ZNF831: variants seen among roughly 807,000 people sequenced by gnomAD.
ZNF831 encodes zinc finger protein 831, also known as chromosome 20 open reading frame 174.
Under a neutral mutation model 95.8 loss-of-function variants are expected in ZNF831, and 59 were observed. That is an observed-to-expected ratio of 0.62 (90% CI 0.50 to 0.77). The LOEUF (loss-of-function observed/expected upper bound fraction) is 0.77. ZNF831 is among the 30% of genes least tolerant of loss of function. The pLI, the probability that ZNF831 is intolerant of heterozygous loss-of-function variation, is 0.00. For synonymous variants in ZNF831, 961 were observed against 925.5 expected, an observed-to-expected ratio of 1.04 and a Z score of -0.70; for missense variants, 2,205 against 2,164.0, an observed-to-expected ratio of 1.02 and a Z score of -0.38.
At chr20:59,246,259 C>T (rs1045253042) in intron 4 of ZNF831, among the ~76,000 whole-genome samples, 1 of 152,172 alleles carries the variant, frequency 6.6e-6, no homozygotes, top group Non-Finnish European at 1.5e-5. Flanking sequence ...CATCTTTTCT[C>T]ATTAGAATTA....
rs781219438 is a variant in ZNF831, at chr20:59,254,030, C to A, written c.4321C>A (p.Leu1441Ile). 1.2e-6 allele frequency: 2 copies of A among 1,614,138 alleles called. No individual in the cohort carries two copies. The highest frequency in any genetic ancestry group is 1.7e-6 in the Non-Finnish European group (2 of 1,180,024). ...NDVPLPPGKGLDLGLLETQLL... is the reference protein window; with the variant it reads ...NDVPLPPGKGIDLGLLETQLL... ...CGTGCCTCTACCCCCTGGCAAAGGT[C>A]TTGACCTTGGGTTGCTGGAGACTCA... Residue 1441 changes from leucine to isoleucine, a missense_variant, in exon 6 of 6, where the codon CTT (leucine) becomes ATT (isoleucine). By Grantham distance (5) the Leu-to-Ile change is conservative (BLOSUM62 2). Transcript: ENST00000371030. The surrounding 1 kb of genome is among the most constrained non-coding windows in gnomAD (Gnocchi z 4.5).
Position 59,174,068 on chromosome 20 carries a change from G to A in ZNF831, c.-37+9861G>A, listed in dbSNP as rs1009187971. On this transcript the variant is annotated intron_variant, in intron 1 of 5. Coordinates refer to ENST00000371030, the MANE Select transcript of ZNF831 (RefSeq NM_178457.3). ...CAACCCTCTGGGGTGCTGCTGGATA[G>A]CAGACCATGCACAAGCAGAGATGTG... Among the ~76,000 whole-genome samples the A allele has an allele frequency of 4.6e-5, 7 of 152,264 alleles. No individual in the cohort carries two copies. In the South Asian group the frequency reaches 6.2e-4, roughly 14 times the overall value.
intron 1 of ZNF831, among the ~76,000 whole-genome samples, chr20:59,132,777 A>G (rs1218550514): frequency 6.6e-6 from 1 of 152,264 alleles, no homozygotes; most frequent in African/African-American, 2.4e-5. Context: ...CTCAGCTGGA[A>G]GAAGGTGAGC....
chr20:59,167,974 C>T (rs891658910), intron 1 of ZNF831, among the ~76,000 whole-genome samples: 4 of 152,072 alleles, frequency 2.6e-5, no homozygotes, highest in African/African-American at 7.2e-5. Flanking sequence ...TCTGACAATA[C>T]AGTCTTGATT....
Position 59,258,572 on chromosome 20 carries a change from A to T in ZNF831, c.*3829A>T, listed in dbSNP as rs1467280200. ...AATTTAATATGGTGAGGAGAATATG[A>T]CCTGCCTGGCTCTATGGGTGATCAT... is the stretch of plus-strand genomic sequence containing the variant. On this transcript the variant is annotated 3_prime_UTR_variant, in exon 6 of 6. Transcript: ENST00000371030. The T allele has an allele frequency of 6.6e-6, 1 of 152,538 alleles. No individual in the cohort carries two copies. Among genetic ancestry groups the T allele is most frequent in the Non-Finnish European group, 1.5e-5 (1 of 68,014 alleles). The allele number at this position is 152,538 out of a possible 1,614,324, so 9.4% of individuals were successfully genotyped here.
chr20:59,206,203 C>A (rs1984883572), intron 3 of ZNF831, among the ~76,000 whole-genome samples: 1 of 151,586 alleles, frequency 6.6e-6, no homozygotes, highest in African/African-American at 2.4e-5. Flanking sequence ...ATAAGAAAGA[C>A]TAGATGAAAA....
chr20:59,252,704 A>G (rs1464634803), intron 4 of ZNF831, among the ~76,000 whole-genome samples: 1 of 152,240 alleles, frequency 6.6e-6, no homozygotes, highest in Non-Finnish European at 1.5e-5. Flanking sequence ...AGAAGAAGCA[A>G]CATGAAATAT....
chr20:59,135,316 G>T (rs1187620664), intron 1 of ZNF831, among the ~76,000 whole-genome samples: 3 of 152,154 alleles, frequency 2.0e-5, no homozygotes, highest in African/African-American at 7.2e-5. Flanking sequence ...GCTGGGTGTG[G>T]CAACTCATGC....
intron 2 of ZNF831, among the ~76,000 whole-genome samples, chr20:59,150,355 C>T (rs2146455599): frequency 6.6e-6 from 1 of 152,240 alleles, no homozygotes; most frequent in East Asian, 1.9e-4. Flanking sequence ...ACCAGTGGAC[C>T]TCGGGTCACA....
chr20:59,181,982 G>A (rs1225465810), intron 1 of ZNF831, among the ~76,000 whole-genome samples: 1 of 152,056 alleles, frequency 6.6e-6, no homozygotes, highest in East Asian at 1.9e-4. Context: ...GGTCCTTTAT[G>A]CCAATCTTAT....
intron 3 of ZNF831, among the ~76,000 whole-genome samples, chr20:59,203,174 A>G (rs1432431101): frequency 6.6e-6 from 1 of 152,180 alleles, no homozygotes; most frequent in African/African-American, 2.4e-5. Context: ...CAGATATGTT[A>G]TCTTATGTTT....
At chr20:59,204,407 C>T (rs1984736609) in intron 3 of ZNF831, among the ~76,000 whole-genome samples, 1 of 152,202 alleles carries the variant, frequency 6.6e-6, no homozygotes, top group African/African-American at 2.4e-5. Context: ...GTGACCCCCA[C>T]CACATGTGGC....
intron 1 of ZNF831, among the ~76,000 whole-genome samples, chr20:59,132,764 C>T (rs1238760804): frequency 6.6e-6 from 1 of 152,242 alleles, no homozygotes; most frequent in Admixed American, 6.5e-5. Flanking sequence ...ATCTCAAGCA[C>T]CCCTCAGCTG....
chr20:59,241,402 G>T (rs1457795794), intron 4 of ZNF831, among the ~76,000 whole-genome samples: 1 of 151,718 alleles, frequency 6.6e-6, no homozygotes. Context: ...AAGGGTTGCA[G>T]TTCCCGAAGT....
rs895231949 is a variant in ZNF831 at position 59,144,153 on chromosome 20, G to A, written c.-1424-2078G>A. Among the ~76,000 whole-genome samples the A allele has an allele frequency of 3.3e-5, 5 of 152,144 alleles. No homozygotes were observed. The South Asian group carries it at 6.2e-4, about 19-fold the overall frequency. On this transcript the variant is annotated intron_variant, in intron 1 of 7. Coordinates refer to the ZNF831 transcript ENST00000637017. ...TAGCTTTCTCTTTTTTTCATCTGAA[G>A]CAGAGTTTTTACTCTGCTTTCCATC...
intron 4 of ZNF831, among the ~76,000 whole-genome samples, chr20:59,211,232 A>G (rs539974942): frequency 3.3e-5 from 5 of 152,300 alleles, no homozygotes; most frequent in South Asian, 4.1e-4. Context: ...ACAAATATCT[A>G]TGCTTTCATG....
rs765847052 is a variant in ZNF831 at position 59,194,089 on chromosome 20, G to A, written c.3070G>A (p.Gly1024Arg). ...TGGGAGAAAAGGGGCACAGTTGGGG[G>A]GGGACAAGGGGGACAGGATGGCCAC... Reference protein sequence around the residue: ...QDGRKGAQLGGDKGDRMATSR... With the variant: ...QDGRKGAQLGRDKGDRMATSR... The change falls in exon 2 of 6, where the codon GGG (glycine) becomes AGG (arginine). Residue 1024 changes from glycine to arginine, a missense_variant. Gly to Arg is a moderately radical substitution (Grantham distance 125, BLOSUM62 -2). Transcript: ENST00000371030. 5 of 1,541,484 alleles carry A rather than the reference G, an allele frequency of 3.2e-6. No individual in the cohort carries two copies. In the African/African-American group the frequency reaches 4.1e-5, roughly 13 times the overall value.
chr20:59,220,332 C>T (rs1015134766), intron 4 of ZNF831, among the ~76,000 whole-genome samples: 18 of 152,202 alleles, frequency 1.2e-4, no homozygotes, highest in African/African-American at 2.7e-4. Context: ...GCACCAGGTG[C>T]GCCTTGCGGG....
intron 4 of ZNF831, among the ~76,000 whole-genome samples, chr20:59,225,520 C>G (rs1049470967): frequency 2.0e-5 from 3 of 152,212 alleles, no homozygotes; most frequent in Non-Finnish European, 4.4e-5. Context: ...CTAGATTAAT[C>G]AACGTCTGTT....
Sources: gnomAD v4.1 joint callset for allele counts (sites outside exome capture counted in the v4.1 genomes callset) on GRCh38, gnomAD v4.1.1 for gene constraint, Gnocchi (gnomAD v3.1) non-coding constraint, MANE v1.5 for transcripts, NCBI Gene and HGNC (gene_info 2026-07-23, HGNC 2026-07-21) for gene names.